The following MEGF11 variants were observed in gnomAD, a reference collection of about 807,000 sequenced individuals.
MEGF11 encodes the protein multiple EGF like domains 11.
A neutral mutation model predicts 146.6 loss-of-function variants in MEGF11; 126 were observed. That is an observed-to-expected ratio of 0.86 (90% CI 0.74 to 1.00). The LOEUF (loss-of-function observed/expected upper bound fraction) is 1.00, where lower values mean the gene tolerates loss of function less well. Ranked by LOEUF, MEGF11 falls within the 50% of genes least tolerant of loss-of-function variation. The pLI is 0.00. For synonymous variants in MEGF11, 532 were observed against 583.4 expected (o/e 0.91, Z 1.27); for missense variants, 1,509 against 1,521.2 (o/e 0.99, Z 0.13).
At chr15:66,151,321 C>T (rs1430268406) in intron 1 of MEGF11, among the ~76,000 whole-genome samples, 2 of 152,170 alleles carry the variant, frequency 1.3e-5, no homozygotes, top group Admixed American at 1.3e-4. Context: ...ACAAACGATC[C>T]CTGCCTTCTC....
intron 7 of MEGF11, among the ~76,000 whole-genome samples, chr15:65,978,291 G>A (rs2081517633): frequency 6.6e-6 from 1 of 152,246 alleles, no homozygotes; most frequent in African/African-American, 2.4e-5. Flanking sequence ...CTCCCTGGGA[G>A]GAGCCTCAGG....
chr15:66,043,889 T>C (rs2084092012), intron 5 of MEGF11, among the ~76,000 whole-genome samples: 1 of 152,240 alleles, frequency 6.6e-6, no homozygotes, highest in Non-Finnish European at 1.5e-5. Flanking sequence ...GCACGATGCC[T>C]GGGCAAGGGG....
Position 65,918,030 on chromosome 15 carries a change from G to A in MEGF11, c.2022C>T (p.Thr674=). The change falls in exon 16 of 26, where the codon ACC becomes ACT. Residue 674 remains threonine (T), a synonymous_variant. Coordinates refer to ENST00000395614, the MANE Select transcript of MEGF11 (RefSeq NM_001385028.1). ...AQLCSCANNG[T]CSPIDGSCQC... is the part of the protein sequence containing the mutation. Reference sequence around the variant, plus strand: ...GGCAGGAGCCATCGATAGGGCTGCAGGTCCCGTTGTTGGCACAGGAGCAGA... The same window carrying A: ...GGCAGGAGCCATCGATAGGGCTGCAAGTCCCGTTGTTGGCACAGGAGCAGA... 6.2e-7 allele frequency: 1 copy of A among 1,614,020 alleles called. No homozygotes were observed. Among genetic ancestry groups the A allele is most frequent in the Non-Finnish European group, 8.5e-7 (1 of 1,179,894 alleles).
intron 25 of MEGF11, 81 bp downstream of exon 25, chr15:65,898,647 G>T: frequency 6.3e-7 from 1 of 1,581,902 alleles, no homozygotes; most frequent in Non-Finnish European, 8.6e-7. Flanking sequence ...TCAAGGTGGG[G>T]TGAGTGGAGA....
rs2081712639 is a variant in MEGF11 at position 65,982,974 on chromosome 15, C to CT, written c.395-487dup. 5.3e-5 allele frequency among the ~76,000 whole-genome samples: 8 copies of CT among 152,234 alleles called. No individual in the cohort carries two copies. The South Asian group carries it at 1.7e-3, about 32-fold the overall frequency. The stretch of plus-strand genomic sequence containing the variant: ...CCAGCCCATTCCAGCTCCCATTTCT[C>CT]TATCTTTCCTGCCCGCTTCTCCCTC... On this transcript the variant is annotated intron_variant, in intron 5 of 25. Coordinates refer to ENST00000395614, the MANE Select transcript of MEGF11 (RefSeq NM_001385028.1). This position sits in a 1 kb window ranked among gnomAD's most constrained non-coding sequence, Gnocchi z 5.6.
intron 1 of MEGF11, among the ~76,000 whole-genome samples, chr15:66,188,622 C>T (rs1297250550): frequency 6.6e-6 from 1 of 152,206 alleles, no homozygotes; most frequent in Non-Finnish European, 1.5e-5. Context: ...TCCACCTTGC[C>T]TGAGGCCCTG....
rs77113551 is a variant in MEGF11, at chr15:66,185,468, C to A, written c.-8-57057G>T. On this transcript the variant is annotated intron_variant, in intron 1 of 25. Transcript: ENST00000395614. ...TGGATATAATCATTTCCTTTTTGGG[C>A]TTGGATCCCAAACTCTGGCAGTGCC... Among the ~76,000 whole-genome samples the A allele has an allele frequency of 3.9e-5, 6 of 152,128 alleles. No homozygotes were observed. In the East Asian group the frequency reaches 1.2e-3, roughly 29 times the overall value.
At chr15:66,176,275 A>C (rs1443631146) in intron 1 of MEGF11, among the ~76,000 whole-genome samples, 1 of 152,218 alleles carries the variant, frequency 6.6e-6, no homozygotes, top group East Asian at 1.9e-4. Context: ...TAAAAATAGC[A>C]CTACCATAGG....
At chr15:66,020,941 G>A (rs184872365) in intron 5 of MEGF11, among the ~76,000 whole-genome samples, 2,255 of 140,186 alleles carry the variant, frequency 0.016, 68 homozygotes, top group African/African-American at 0.058. Context: ...GCAGTGAGCC[G>A]AGATCGCGCC....
intron 1 of MEGF11, among the ~76,000 whole-genome samples, chr15:66,200,032 C>T (rs1259868653): frequency 3.3e-5 from 5 of 152,194 alleles, no homozygotes; most frequent in Non-Finnish European, 7.3e-5. Context: ...AATGCAAAAG[C>T]AGATCTATAT....
Position 66,251,393 on chromosome 15 carries a change from C to T in MEGF11, c.-9+2212G>A, listed in dbSNP as rs74019553. 3.1e-3 allele frequency among the ~76,000 whole-genome samples: 470 copies of T among 152,336 alleles called. 4 individuals carry two copies. The highest frequency in any genetic ancestry group is 0.011 in the African/African-American group (463 of 41,564). Reference sequence around the variant, plus strand: ...TGCCTACATGCACTCACTTCCTTGACTACAAAACAATGGCTCCTCTTTCCC... The same window carrying T: ...TGCCTACATGCACTCACTTCCTTGATTACAAAACAATGGCTCCTCTTTCCC... On this transcript the variant is annotated intron_variant, in intron 1 of 25. Transcript: ENST00000395614.
chr15:65,909,182 G>C, intron 22 of MEGF11, 47 bp from the exon 23 acceptor site: 1 of 1,295,070 alleles, frequency 7.7e-7, no homozygotes, highest in Non-Finnish European at 1.1e-6. Flanking sequence ...CAGGGCCCTG[G>C]TATAGCAGGG....
chr15:66,102,409 C>G (rs1181825940), intron 4 of MEGF11, among the ~76,000 whole-genome samples: 1 of 146,590 alleles, frequency 6.8e-6, no homozygotes, highest in Non-Finnish European at 1.5e-5. Flanking sequence ...ATTTGCTGTT[C>G]TCTCTAACCA....
At chr15:66,031,320 G>A (rs1430072552) in intron 5 of MEGF11, among the ~76,000 whole-genome samples, 1 of 152,172 alleles carries the variant, frequency 6.6e-6, no homozygotes, top group East Asian at 1.9e-4. Flanking sequence ...TACCCAGTCT[G>A]GTTTCCCTTT....
At chr15:66,134,305 C>T (rs2088790262) in intron 1 of MEGF11, among the ~76,000 whole-genome samples, 1 of 152,206 alleles carries the variant, frequency 6.6e-6, no homozygotes, top group African/African-American at 2.4e-5. Context: ...GCAGCATCTG[C>T]ACCCCCAGCC....
chr15:65,964,903 C>T lies in MEGF11; in HGVS notation c.1112+5G>A, dbSNP rs1324613922. On this transcript the variant is annotated splice_donor_5th_base_variant and intron_variant, in intron 9 of 25. Transcript: ENST00000395614. ...GTCCCGGGCTCGCCCATTCCCAGCTCATACCTGATGGTGTTGTCAGCGTCA... is the reference window on the plus strand; with the variant it reads ...GTCCCGGGCTCGCCCATTCCCAGCTTATACCTGATGGTGTTGTCAGCGTCA... The T allele has an allele frequency of 6.4e-7, 1 of 1,552,612 alleles. No homozygotes were observed. The highest frequency in any genetic ancestry group is 8.7e-7 in the Non-Finnish European group (1 of 1,145,978).
chr15:66,199,681 C>T (rs369005835), intron 1 of MEGF11, among the ~76,000 whole-genome samples: 13 of 152,210 alleles, frequency 8.5e-5, no homozygotes, highest in South Asian at 2.1e-4. Flanking sequence ...CCCAGCTACT[C>T]GGGAGGCTGA....
rs532655679 is a variant in MEGF11, at chr15:66,167,413, G to A, written c.-8-39002C>T. Among the ~76,000 whole-genome samples the A allele has an allele frequency of 2.0e-4, 30 of 152,170 alleles. No individual in the cohort carries two copies. In the South Asian group the frequency reaches 4.2e-3, roughly 21 times the overall value. Reference sequence around the variant, plus strand: ...TCCCAGCACTTTGGGAGGCCGAGGCGGGCGGATCACCTGAGGTTGGGAGTT... The same window carrying A: ...TCCCAGCACTTTGGGAGGCCGAGGCAGGCGGATCACCTGAGGTTGGGAGTT... On this transcript the variant is annotated intron_variant, in intron 1 of 25. Transcript: ENST00000395614.
intron 10 of MEGF11, among the ~76,000 whole-genome samples, chr15:65,952,318 AT>A (rs1489006038): frequency 5.3e-5 from 8 of 152,224 alleles, no homozygotes; most frequent in African/African-American, 1.9e-4. Context: ...TTTGAGGTTT[AT>A]TTGGTGGGCA....
Sources: allele counts gnomAD v4.1 joint callset (sites outside exome capture counted in the v4.1 genomes callset), GRCh38; gene constraint gnomAD v4.1.1; non-coding constraint Gnocchi (gnomAD v3.1); transcripts MANE v1.5; gene names NCBI Gene and HGNC (gene_info 2026-07-23, HGNC 2026-07-21).